GPC5: variants seen among roughly 807,000 people sequenced by gnomAD.
The protein encoded by GPC5 is glypican 5.
In GPC5, 47 loss-of-function variants were observed where a neutral mutation model predicts 53.9. That is an observed-to-expected ratio of 0.87 (90% CI 0.69 to 1.11). GPC5 has a LOEUF of 1.11. Among genes scored for constraint, GPC5 ranks in the 50% most tolerant of loss-of-function variants. The pLI, the probability that GPC5 is intolerant of heterozygous loss-of-function variation, is 0.00. For missense variants in GPC5, 748 were observed against 713.1 expected (o/e 1.05, Z -0.56); for synonymous variants, 286 against 263.3 (o/e 1.09, Z -0.84).
chr13:91,931,838 A>G (rs1566348791), intron 6 of GPC5, among the ~76,000 whole-genome samples: 1 of 151,994 alleles, frequency 6.6e-6, no homozygotes, highest in Non-Finnish European at 1.5e-5. Context: ...GTGATCCCAC[A>G]TGACTGGAAG....
chr13:91,582,560 T>A (rs543077008), intron 2 of GPC5, among the ~76,000 whole-genome samples: 41 of 152,114 alleles, frequency 2.7e-4, no homozygotes, highest in Non-Finnish European at 5.0e-4. Flanking sequence ...GATGTGTAAT[T>A]TTTTTAGGAT....
At chr13:92,437,973 T>C (rs1157093691) in intron 7 of GPC5, among the ~76,000 whole-genome samples, 1 of 152,052 alleles carries the variant, frequency 6.6e-6, no homozygotes, top group Admixed American at 6.6e-5. Context: ...TAACATGAAG[T>C]GAACTGATTA....
chr13:91,711,368 C>T (rs2036222046), intron 3 of GPC5, among the ~76,000 whole-genome samples: 1 of 152,158 alleles, frequency 6.6e-6, no homozygotes, highest in Admixed American at 6.5e-5. Flanking sequence ...GAAAACCAAA[C>T]ACCTCATGTT....
intron 7 of GPC5, among the ~76,000 whole-genome samples, chr13:92,835,954 A>T (rs755953620): frequency 6.6e-6 from 1 of 151,960 alleles, no homozygotes; most frequent in Non-Finnish European, 1.5e-5. Context: ...CATTTTTGTC[A>T]TATATAGTAT....
Position 92,675,194 on chromosome 13 carries a change from A to T in GPC5, c.1562-191088A>T, listed in dbSNP as rs1457201401. Among the ~76,000 whole-genome samples, 5 of 152,232 alleles carry T rather than the reference A, an allele frequency of 3.3e-5. No individual in the cohort carries two copies. The East Asian group carries it at 9.7e-4, about 29-fold the overall frequency. On this transcript the variant is annotated intron_variant, in intron 7 of 7. Coordinates refer to ENST00000377067, the MANE Select transcript of GPC5 (RefSeq NM_004466.6). The stretch of plus-strand genomic sequence containing the variant: ...ATAATATTTGGGAGGTAAGGAACAC[A>T]CTAGACATAAGAAACCTGTATAGGC...
chr13:92,732,783 G>A lies in GPC5; in HGVS notation c.1562-133499G>A, dbSNP rs957759898. Among the ~76,000 whole-genome samples, 12 of 151,682 alleles carry A rather than the reference G, an allele frequency of 7.9e-5. No homozygotes were observed. In the East Asian group the frequency reaches 1.9e-3, roughly 25 times the overall value. On this transcript the variant is annotated intron_variant, in intron 7 of 7. Coordinates refer to ENST00000377067, the MANE Select transcript of GPC5 (RefSeq NM_004466.6). ...ATGATTTGATTTTCCCACCTGAACC[G>A]CTTCGATGTCTCTACTGTTTTGGTC... is the stretch of plus-strand genomic sequence containing the variant.
At chr13:92,500,431 TCATGCACCG>T (rs1464681462) in intron 7 of GPC5, among the ~76,000 whole-genome samples, 1 of 152,054 alleles carries the variant, frequency 6.6e-6, no homozygotes, top group Non-Finnish European at 1.5e-5. Flanking sequence ...TAGAGAGCAA[TCATGCACCG>T]CAGATGGTCA....
intron 1 of GPC5, among the ~76,000 whole-genome samples, chr13:91,422,733 C>T (rs548567565): frequency 6.6e-6 from 1 of 152,126 alleles, no homozygotes; most frequent in African/African-American, 2.4e-5. Flanking sequence ...CTGGTGGGGA[C>T]TCTGCAGAGT....
At chr13:91,759,828 C>G (rs1380163842) in intron 5 of GPC5, among the ~76,000 whole-genome samples, 2 of 151,806 alleles carry the variant, frequency 1.3e-5, no homozygotes, top group Non-Finnish European at 2.9e-5. Context: ...ATATCTGCTA[C>G]TGTGGAATGA....
At chr13:91,803,500 G>C (rs1340969990) in intron 5 of GPC5, among the ~76,000 whole-genome samples, 1 of 151,936 alleles carries the variant, frequency 6.6e-6, no homozygotes, top group South Asian at 2.1e-4. Context: ...TTTATGATAT[G>C]AATGTTATTT....
intron 7 of GPC5, among the ~76,000 whole-genome samples, chr13:92,699,778 C>T (rs534842425): frequency 1.2e-4 from 19 of 152,286 alleles, no homozygotes; most frequent in Middle Eastern, 3.4e-3. Context: ...TTTGATTGCA[C>T]TGTGGTCTGA....
chr13:91,984,283 C>T (rs902323375), intron 6 of GPC5, among the ~76,000 whole-genome samples: 5 of 152,102 alleles, frequency 3.3e-5, no homozygotes, highest in African/African-American at 7.2e-5. Flanking sequence ...ATTGTTTTAT[C>T]TGTTTCTATA....
At chr13:91,420,061 A>T (rs1305310263) in intron 1 of GPC5, among the ~76,000 whole-genome samples, 1 of 152,160 alleles carries the variant, frequency 6.6e-6, no homozygotes, top group Non-Finnish European at 1.5e-5. Context: ...AGCTGCAGGG[A>T]TGGCCTCAGA....
intron 7 of GPC5, among the ~76,000 whole-genome samples, chr13:92,280,761 G>C (rs548702596): frequency 1.3e-5 from 2 of 151,926 alleles, no homozygotes; most frequent in African/African-American, 4.8e-5. Flanking sequence ...GACGGGGTGC[G>C]GGGGGCGGTT....
chr13:91,787,458 G>C (rs2037897464), intron 5 of GPC5, among the ~76,000 whole-genome samples: 1 of 152,058 alleles, frequency 6.6e-6, no homozygotes, highest in South Asian at 2.1e-4. Flanking sequence ...TTAATATGGT[G>C]AATTACATTG....
chr13:91,636,614 C>T (rs1295033980), intron 2 of GPC5, among the ~76,000 whole-genome samples: 1 of 152,076 alleles, frequency 6.6e-6, no homozygotes, highest in Non-Finnish European at 1.5e-5. Flanking sequence ...GTACCAAGTA[C>T]ATCTCCCAGT....
At chr13:91,626,975 C>T (rs1316099411) in intron 2 of GPC5, among the ~76,000 whole-genome samples, 8 of 133,514 alleles carry the variant, frequency 6.0e-5, no homozygotes, top group Non-Finnish European at 1.1e-4. Flanking sequence ...CAGCTTCATC[C>T]ATGTCCCTAC....
intron 2 of GPC5, among the ~76,000 whole-genome samples, chr13:91,650,488 T>C (rs1431289708): frequency 3.9e-5 from 6 of 152,160 alleles, no homozygotes; most frequent in African/African-American, 1.2e-4. Context: ...TAACTAGCTT[T>C]CTCATCTGTT....
At position 92,166,921 on chromosome 13, in the gene GPC5, G is replaced by GTCTC. The variant is rs35310453; in HGVS notation, c.1561+21965_1561+21968dup. 1.3e-3 allele frequency among the ~76,000 whole-genome samples: 173 copies of GTCTC among 128,494 alleles called. 1 individual carries two copies. The highest frequency in any genetic ancestry group is 2.6e-3 in the African/African-American group (86 of 32,762). 84.3% of individuals were successfully genotyped at this position (128,494 alleles called of 152,430 possible). A position where few individuals can be genotyped will look rare whatever the true frequency, so the allele number is the denominator to read the frequency against. On this transcript the variant is annotated intron_variant, in intron 7 of 7. Transcript: ENST00000377067. Reference sequence around the variant, plus strand: ...TATCCAAAATAAGGCATAAGTCTCAGTCTCTCTCTCTCTCTCTCTCTCTCT... The same window carrying GTCTC: ...TATCCAAAATAAGGCATAAGTCTCAGTCTCTCTCTCTCTCTCTCTCTCTCTCTCT...
Sources: gnomAD v4.1 joint callset for allele counts (sites outside exome capture counted in the v4.1 genomes callset) on GRCh38, gnomAD v4.1.1 for gene constraint, MANE v1.5 for transcripts, NCBI Gene and HGNC (gene_info 2026-07-23, HGNC 2026-07-21) for gene names.